TAOK3: variants seen among roughly 807,000 people sequenced by gnomAD.
TAOK3 encodes the protein serine/threonine-protein kinase TAO3.
Under a neutral mutation model 120.4 loss-of-function variants are expected in TAOK3, and 40 were observed. That is an observed-to-expected ratio of 0.33 (90% CI 0.26 to 0.43). The LOEUF (loss-of-function observed/expected upper bound fraction) is 0.43. Among genes scored for constraint, TAOK3 ranks in the 20% least tolerant of loss-of-function variants. TAOK3 has a pLI of 1.00. For missense variants in TAOK3, 821 were observed against 1,112.1 expected (o/e 0.74, Z 3.72); for synonymous variants, 355 against 387.5 (o/e 0.92, Z 0.99).
At chr12:118,359,306 T>A (rs1304015307) in intron 1 of TAOK3, 14 of 152,216 alleles carry the variant, frequency 9.2e-5, no homozygotes, top group Admixed American at 9.2e-4. Context: ...CTCAAGCTAA[T>A]CTTATGTAAA....
chr12:118,289,764 G>C (rs2042403987), intron 1 of TAOK3, among the ~76,000 whole-genome samples: 1 of 152,142 alleles, frequency 6.6e-6, no homozygotes, highest in Non-Finnish European at 1.5e-5. Flanking sequence ...GGAGGCCAGG[G>C]CAGGCGAATC....
intron 7 of TAOK3, 87 bp from the exon 8 acceptor site, chr12:118,235,758 G>T: frequency 1.2e-6 from 1 of 827,656 alleles, no homozygotes; most frequent in Non-Finnish European, 1.9e-6. Flanking sequence ...AAGACAAAAA[G>T]TTTATTTAAA....
At chr12:118,213,940 T>C in intron 10 of TAOK3, 77 bp downstream of exon 10, 1 of 1,287,026 alleles carries the variant, frequency 7.8e-7, no homozygotes, top group Non-Finnish European at 1.1e-6. Flanking sequence ...GGTCAGATAT[T>C]TAAAATGTAA....
At chr12:118,218,023 C>T (rs907268204) in intron 9 of TAOK3, among the ~76,000 whole-genome samples, 7 of 150,596 alleles carry the variant, frequency 4.6e-5, no homozygotes, top group Admixed American at 2.0e-4. Context: ...CCACGCCTCG[C>T]TAATTTTTTT....
intron 3 of TAOK3, among the ~76,000 whole-genome samples, chr12:118,251,149 G>A (rs770866407): frequency 6.6e-6 from 1 of 152,140 alleles, no homozygotes; most frequent in African/African-American, 2.4e-5. Flanking sequence ...CAAGCTCATC[G>A]AGGTATGCAC....
At chr12:118,262,469 G>A (rs144438462) in intron 2 of TAOK3, among the ~76,000 whole-genome samples, 74 of 151,878 alleles carry the variant, frequency 4.9e-4, no homozygotes, top group African/African-American at 1.3e-3. Context: ...GCGACAGGGC[G>A]AGACTCCATC....
chr12:118,200,092 G>A (rs2037944960), intron 12 of TAOK3: 1 of 149,030 alleles, frequency 6.7e-6, no homozygotes, highest in African/African-American at 2.5e-5. Flanking sequence ...AAATTACTGG[G>A]TAATATAAAA....
intron 6 of TAOK3, 102 bp from the exon 7 acceptor site, chr12:118,238,271 G>A (rs2040102488): frequency 3.4e-6 from 2 of 585,936 alleles, no homozygotes; most frequent in Admixed American, 5.9e-5. Flanking sequence ...TTTCTCACAT[G>A]ACAATTTGGG....
chr12:118,281,749 C>T (rs1166622761), intron 1 of TAOK3, among the ~76,000 whole-genome samples: 1 of 150,012 alleles, frequency 6.7e-6, no homozygotes, highest in Non-Finnish European at 1.5e-5. Context: ...TGAGACTCTG[C>T]CTCAGAAAAA....
chr12:118,249,333 G>A (rs1253375848), intron 3 of TAOK3, among the ~76,000 whole-genome samples: 2 of 152,098 alleles, frequency 1.3e-5, no homozygotes, highest in Non-Finnish European at 2.9e-5. Flanking sequence ...AGGCCAACGT[G>A]GGTGGATCAC....
chr12:118,166,878 G>A (rs2035635690), intron 17 of TAOK3, among the ~76,000 whole-genome samples: 2 of 144,480 alleles, frequency 1.4e-5, no homozygotes, highest in South Asian at 4.4e-4. Context: ...ACACGTATAA[G>A]CCCTGGAGGG....
chr12:118,339,566 T>G (rs2044523458), intron 1 of TAOK3, among the ~76,000 whole-genome samples: 1 of 151,620 alleles, frequency 6.6e-6, no homozygotes, highest in South Asian at 2.1e-4. Context: ...AGCATTTTAG[T>G]TGCTCTTTTT....
chr12:118,234,645 C>T (rs752507389), intron 8 of TAOK3, among the ~76,000 whole-genome samples: 3 of 152,212 alleles, frequency 2.0e-5, no homozygotes, highest in African/African-American at 4.8e-5. Flanking sequence ...TGGGTTCAAG[C>T]GATTCTCATG....
At chr12:118,295,575 T>C (rs2042648679) in intron 1 of TAOK3, among the ~76,000 whole-genome samples, 1 of 152,212 alleles carries the variant, frequency 6.6e-6, no homozygotes, top group Admixed American at 6.5e-5. Context: ...TCTCTCTCGA[T>C]TATAAACTTC....
chr12:118,344,456 C>T (rs112297732), intron 1 of TAOK3, among the ~76,000 whole-genome samples: 3 of 152,068 alleles, frequency 2.0e-5, no homozygotes, highest in African/African-American at 4.8e-5. Flanking sequence ...GCAGTGTTCA[C>T]ATCAACAATA....
At chr12:118,175,207 C>G (rs1173263304) in intron 16 of TAOK3, among the ~76,000 whole-genome samples, 3 of 152,128 alleles carry the variant, frequency 2.0e-5, no homozygotes, top group Non-Finnish European at 4.4e-5. Context: ...TAACAATTAC[C>G]AGTGGCTTAC....
At chr12:118,229,191 C>T (rs1460592439) in intron 9 of TAOK3, among the ~76,000 whole-genome samples, 3 of 152,028 alleles carry the variant, frequency 2.0e-5, no homozygotes, top group African/African-American at 7.2e-5. Context: ...ACCTCCGCCT[C>T]CCAGGTTCAG....
chr12:118,163,409 C>T (rs1205733194), intron 17 of TAOK3, among the ~76,000 whole-genome samples: 1 of 118,408 alleles, frequency 8.4e-6, no homozygotes. Context: ...AACATGCAAA[C>T]AAAAAAATCT....
intron 1 of TAOK3, among the ~76,000 whole-genome samples, chr12:118,296,194 C>T (rs899233191): frequency 2.6e-5 from 4 of 152,106 alleles, no homozygotes; most frequent in African/African-American, 4.8e-5. Context: ...TGCAATGGTG[C>T]GATCTTGGCT....
Sources: gnomAD v4.1 joint callset for allele counts (sites outside exome capture counted in the v4.1 genomes callset) on GRCh38, gnomAD v4.1.1 for gene constraint, MANE v1.5 for transcripts, NCBI Gene and HGNC (gene_info 2026-07-23, HGNC 2026-07-21) for gene names.